GCLC: variants seen among roughly 807,000 people sequenced by gnomAD.
The protein encoded by GCLC is glutamate-cysteine ligase catalytic subunit, also known as glutamate--cysteine ligase catalytic subunit.
GCLC carries 30 observed loss-of-function variants against 81.5 expected under a neutral mutation model. That is an observed-to-expected ratio of 0.37 (90% confidence interval 0.28 to 0.50). The LOEUF is 0.50. Ranked by LOEUF, GCLC falls within the 20% of genes least tolerant of loss-of-function variation. The pLI is 0.96. For missense variants in GCLC, 556 were observed against 777.4 expected (o/e 0.72, Z 3.39); for synonymous variants, 262 against 273.3 (o/e 0.96, Z 0.41).
intron 6 of GCLC, 128 bp downstream of exon 6, chr6:53,514,076 A>C: frequency 1.2e-6 from 1 of 835,464 alleles, no homozygotes; most frequent in South Asian, 1.5e-5. Context: ...TTTTTCAGAA[A>C]GGCATACCAG....
At chr6:53,536,593 A>G (rs9474587) in intron 1 of GCLC, among the ~76,000 whole-genome samples, 7,965 of 152,298 alleles carry the variant, frequency 0.052, 411 homozygotes, top group African/African-American at 0.14. Flanking sequence ...CTTCATATAC[A>G]GTTTTCTAAC....
chr6:53,504,808 C>T (rs571593896), intron 12 of GCLC, among the ~76,000 whole-genome samples: 4 of 152,156 alleles, frequency 2.6e-5, no homozygotes, highest in South Asian at 2.1e-4. Context: ...GGAACCCCTG[C>T]GGCAGGGCCC....
In GCLC at chr6:53,508,719, CAAACA is replaced by C. The variant is rs769730343; in HGVS notation, c.829-13_829-9del. Reference sequence around the variant, plus strand: ...TGCAGCACTCAAAGCCATCTAAAAACAAACAAAAGTCAGCTCCTGCAAATTCAAAG... The same window carrying C: ...TGCAGCACTCAAAGCCATCTAAAAACAAAGTCAGCTCCTGCAAATTCAAAG... On this transcript the variant is annotated splice_polypyrimidine_tract_variant and intron_variant, in intron 7 of 15. Coordinates refer to ENST00000650454, the MANE Select transcript of GCLC (RefSeq NM_001498.4). 1 of 1,582,338 alleles carries C rather than the reference CAAACA, an allele frequency of 6.3e-7. No individual in the cohort carries two copies. Among genetic ancestry groups the C allele is most frequent in the African/African-American group, 1.3e-5 (1 of 74,328 alleles).
intron 1 of GCLC, among the ~76,000 whole-genome samples, chr6:53,534,353 A>C (rs577500453): frequency 2.0e-5 from 3 of 152,174 alleles, no homozygotes; most frequent in Non-Finnish European, 4.4e-5. Context: ...AATGATAGCC[A>C]GCTTTGGACA....
rs781531365 is a variant in GCLC at position 53,544,637 on chromosome 6, C to A, written c.9G>T (p.Leu3=). ...AGCTCAGCGGCGAGCCCTGGGACAG[C>A]AGCCCCATGGCCGCCCCCTCCTCCT... MG[L]LSQGSPLSWE... The change falls in exon 1 of 16, where the codon CTG becomes CTT. Residue 3 remains leucine (L), a synonymous_variant. Coordinates refer to ENST00000650454, the MANE Select transcript of GCLC (RefSeq NM_001498.4). 1.3e-6 allele frequency: 2 copies of A among 1,595,174 alleles called. No homozygotes were observed. The highest frequency in any genetic ancestry group is 3.4e-5 in the Admixed American group (2 of 59,418).
chr6:53,544,402 G>A (rs1281131318), intron 1 of GCLC, 94 bp downstream of exon 1: 3 of 1,373,342 alleles, frequency 2.2e-6, no homozygotes, highest in Non-Finnish European at 3.0e-6. Context: ...GGAGAACGCG[G>A]ACCGCGATAG....
At chr6:53,539,612 CTTTT>C (rs199986988) in intron 1 of GCLC, among the ~76,000 whole-genome samples, 3 of 138,892 alleles carry the variant, frequency 2.2e-5, no homozygotes, top group Non-Finnish European at 3.0e-5. Flanking sequence ...TCATTTTTGT[CTTTT>C]TTTTAATCCA....
chr6:53,513,071 A>C (rs1764787089), intron 6 of GCLC: 1 of 152,272 alleles, frequency 6.6e-6, no homozygotes, highest in African/African-American at 2.4e-5. Context: ...AAACAGAAAG[A>C]AATTATCCTT....
Position 53,497,655 on chromosome 6 carries a change from AAAC to A in GCLC, c.*1098_*1100del, listed in dbSNP as rs1289409021. On this transcript the variant is annotated 3_prime_UTR_variant, in exon 16 of 16. Transcript: ENST00000650454. ...AGTTGACTTAACTAGTTGAGAAAAA[AAAC>A]AACAAACTTCAACGCAAAGCTATAA... is the stretch of plus-strand genomic sequence containing the variant. 2 of 152,536 alleles carry A rather than the reference AAAC, an allele frequency of 1.3e-5. No individual in the cohort carries two copies. The highest frequency in any genetic ancestry group is 2.4e-5 in the African/African-American group (1 of 41,422). 9.4% of individuals were successfully genotyped at this position (152,536 alleles called of 1,614,324 possible).
At chr6:53,517,248 A>G (rs1309830359) in intron 3 of GCLC, among the ~76,000 whole-genome samples, 4 of 73,142 alleles carry the variant, frequency 5.5e-5, no homozygotes, top group Non-Finnish European at 8.5e-5. Context: ...CACTGTACCA[A>G]GTTTTTTTTT....
intron 3 of GCLC, among the ~76,000 whole-genome samples, chr6:53,517,548 T>C (rs1762899641): frequency 6.6e-6 from 1 of 152,180 alleles, no homozygotes; most frequent in Non-Finnish European, 1.5e-5. Context: ...CTTGAAGCTA[T>C]GTGCATTATT....
rs577515976 is a variant in GCLC at position 53,529,880 on chromosome 6, A to G, written c.151-7353T>C. On this transcript the variant is annotated intron_variant, in intron 1 of 15. Transcript: ENST00000650454. The stretch of plus-strand genomic sequence containing the variant: ...GTGCAGGAGAGTTTAGGGCTTTAGC[A>G]TGGGGACAAGACAGAGAACACATCC... 7.9e-5 allele frequency among the ~76,000 whole-genome samples: 12 copies of G among 152,344 alleles called. 1 individual carries two copies. In the South Asian group the frequency reaches 2.1e-3, roughly 26 times the overall value.
chr6:53,536,131 C>G (rs960837500), intron 1 of GCLC, among the ~76,000 whole-genome samples: 1 of 152,128 alleles, frequency 6.6e-6, no homozygotes, highest in Non-Finnish European at 1.5e-5. Flanking sequence ...CATGTAACAA[C>G]ATGGATGGAT....
chr6:53,499,819 T>G (rs1764469833), intron 15 of GCLC, among the ~76,000 whole-genome samples: 1 of 152,166 alleles, frequency 6.6e-6, no homozygotes, highest in African/African-American at 2.4e-5. Context: ...AAGATGCCAG[T>G]GATTTTCAGA....
chr6:53,538,384 T>C (rs1763294519), intron 1 of GCLC, among the ~76,000 whole-genome samples: 1 of 151,304 alleles, frequency 6.6e-6, no homozygotes, highest in Non-Finnish European at 1.5e-5. Flanking sequence ...TGGAGTGCAG[T>C]GGCGCGATCT....
chr6:53,517,063 T>C (rs1249840543), intron 3 of GCLC, among the ~76,000 whole-genome samples: 1 of 146,216 alleles, frequency 6.8e-6, no homozygotes, highest in Non-Finnish European at 1.5e-5. Flanking sequence ...GACTAGCTCA[T>C]ATCTTTTAAA....
Position 53,520,667 on chromosome 6 carries a change from C to T in GCLC, c.446+111G>A. On this transcript the variant is annotated intron_variant, in intron 3 of 15. Transcript: ENST00000650454. The stretch of plus-strand genomic sequence containing the variant: ...TCAAGTGCAGTCTATAAAAGATAAA[C>T]CATCTGTAACGTATGAGGATTGTAA... The T allele has an allele frequency of 1.1e-5, 10 of 884,834 alleles. No individual in the cohort carries two copies. In the South Asian group the frequency reaches 1.3e-4, roughly 12 times the overall value. The allele number at this position is 884,834 out of a possible 1,614,324, so 54.8% of individuals were successfully genotyped here.
Position 53,500,463 on chromosome 6 carries a change from T to G in GCLC, c.1446A>C (p.Gly482=). The stretch of plus-strand genomic sequence containing the variant: ...AAATATCTTTCCTGAAATAAAACAT[T>G]CCCTGCAAGACAGCATCTCTTTTCT... ...VAQKRDAVLQ[G]MFYFRKDICK... is the part of the protein sequence containing the mutation. The change falls in exon 13 of 16, where the codon GGA becomes GGC. Residue 482 remains glycine, a synonymous_variant. Coordinates refer to ENST00000650454, the MANE Select transcript of GCLC (RefSeq NM_001498.4). 1 of 1,612,214 alleles carries G rather than the reference T, an allele frequency of 6.2e-7. No individual in the cohort carries two copies. The highest frequency in any genetic ancestry group is 1.1e-5 in the South Asian group (1 of 91,042).
chr6:53,519,383 C>G (rs1045472531), intron 3 of GCLC, among the ~76,000 whole-genome samples: 1 of 151,944 alleles, frequency 6.6e-6, no homozygotes, highest in Non-Finnish European at 1.5e-5. Flanking sequence ...CTCCTCATTC[C>G]TATTTCACTC....
Sources: allele counts gnomAD v4.1 joint callset (sites outside exome capture counted in the v4.1 genomes callset), GRCh38; gene constraint gnomAD v4.1.1; transcripts MANE v1.5; gene names NCBI Gene and HGNC (gene_info 2026-07-23, HGNC 2026-07-21).